The following FBXL20 variants were observed in gnomAD, a reference collection of about 807,000 sequenced individuals.
The protein encoded by FBXL20 is F-box and leucine rich repeat protein 20.
Under a neutral mutation model 64.0 loss-of-function variants are expected in FBXL20, and 11 were observed. The ratio of observed to expected loss-of-function variants is 0.17; its 90% CI spans 0.11 to 0.28. FBXL20 has a LOEUF of 0.28. Among genes scored for constraint, FBXL20 ranks in the 10% least tolerant of loss-of-function variants. FBXL20 has a pLI of 1.00. For synonymous variants in FBXL20, 184 were observed against 189.0 expected, an observed-to-expected ratio of 0.97 and a Z score of 0.22; for missense variants, 303 against 526.2, an observed-to-expected ratio of 0.58 and a Z score of 4.15.
intron 1 of FBXL20, among the ~76,000 whole-genome samples, chr17:39,343,733 CTGCCCAGTCTGG>C (rs2047605128): frequency 6.7e-6 from 1 of 149,210 alleles, no homozygotes; most frequent in Non-Finnish European, 1.5e-5. Context: ...TCTTGCTCTG[CTGCCCAGTCTGG>C]AGTACAGTGG....
chr17:39,282,407 T>G, intron 8 of FBXL20, among the ~76,000 whole-genome samples: 1 of 152,188 alleles, frequency 6.6e-6, no homozygotes, highest in East Asian at 1.9e-4. Flanking sequence ...GTTCAAAGTA[T>G]CAGGCAGTGA....
At chr17:39,345,634 G>A (rs866678344) in intron 1 of FBXL20, among the ~76,000 whole-genome samples, 7 of 152,074 alleles carry the variant, frequency 4.6e-5, no homozygotes, top group Middle Eastern at 6.8e-3. Context: ...TCCACCTCCC[G>A]GGTTCAAGCG....
chr17:39,266,272 T>G (rs12947913), intron 12 of FBXL20, among the ~76,000 whole-genome samples: 4,672 of 148,934 alleles, frequency 0.031, 260 homozygotes, highest in African/African-American at 0.11. Flanking sequence ...CAGGCTGGAG[T>G]GTGGTGGCAC....
chr17:39,357,400 C>G (rs1338243675), intron 1 of FBXL20, among the ~76,000 whole-genome samples: 1 of 151,908 alleles, frequency 6.6e-6, no homozygotes, highest in Non-Finnish European at 1.5e-5. Context: ...TTAATCTATA[C>G]ATATATCTTT....
intron 10 of FBXL20, among the ~76,000 whole-genome samples, chr17:39,273,166 G>A (rs1219320388): frequency 6.6e-6 from 1 of 151,850 alleles, no homozygotes. Flanking sequence ...TACAGGAGTG[G>A]GCCACCACGC....
At chr17:39,358,503 C>T (rs1239717423) in intron 1 of FBXL20, among the ~76,000 whole-genome samples, 1 of 151,768 alleles carries the variant, frequency 6.6e-6, no homozygotes, top group Admixed American at 6.6e-5. Context: ...GCCAACATGG[C>T]GAAACCCTGT....
chr17:39,315,538 T>A (rs1164580690), intron 2 of FBXL20, among the ~76,000 whole-genome samples: 1 of 150,820 alleles, frequency 6.6e-6, no homozygotes, highest in Non-Finnish European at 1.5e-5. Flanking sequence ...AGGTTAGAGG[T>A]TGGGTGCAGA....
chr17:39,371,903 T>C (rs969482062), intron 1 of FBXL20, among the ~76,000 whole-genome samples: 30 of 152,148 alleles, frequency 2.0e-4, no homozygotes, highest in Admixed American at 1.9e-3. Flanking sequence ...TGAGAGGGAA[T>C]CTATCTTCCC....
At chr17:39,304,857 A>G (rs969234994) in intron 2 of FBXL20, among the ~76,000 whole-genome samples, 4 of 152,048 alleles carry the variant, frequency 2.6e-5, no homozygotes, top group African/African-American at 9.7e-5. Context: ...TCTCGGTTCA[A>G]GTGGTTGTCG....
rs1398422815 is a variant in FBXL20 at position 39,261,422 on chromosome 17, T to C, written c.*38A>G. On this transcript the variant is annotated 3_prime_UTR_variant, in exon 15 of 15. Transcript: ENST00000264658. ...CTCCACGGTAGCTCTAGAAGTGTCATTAAATACTCAGTTCGCCAAGGTTGA... is the reference window on the plus strand; with the variant it reads ...CTCCACGGTAGCTCTAGAAGTGTCACTAAATACTCAGTTCGCCAAGGTTGA... The C allele has an allele frequency of 5.3e-6, 8 of 1,513,680 alleles. No individual in the cohort carries two copies. Among genetic ancestry groups the C allele is most frequent in the East Asian group, 4.5e-5 (2 of 44,280 alleles). 93.8% of individuals were successfully genotyped at this position (1,513,680 alleles called of 1,614,324 possible). A position where few individuals can be genotyped will look rare whatever the true frequency, so the allele number is the denominator to read the frequency against.
chr17:39,339,033 T>G (rs1335255824), intron 2 of FBXL20, among the ~76,000 whole-genome samples: 1 of 151,670 alleles, frequency 6.6e-6, no homozygotes, highest in African/African-American at 2.4e-5. Context: ...CCAAGTGTGG[T>G]GGTGCACACC....
chr17:39,316,353 G>T (rs2144499732), intron 2 of FBXL20, among the ~76,000 whole-genome samples: 1 of 151,992 alleles, frequency 6.6e-6, no homozygotes, highest in Middle Eastern at 3.4e-3. Flanking sequence ...TACTAAGAGG[G>T]CCTGGAGCAA....
intron 6 of FBXL20, among the ~76,000 whole-genome samples, chr17:39,291,987 G>C (rs2047043732): frequency 7.1e-6 from 1 of 140,886 alleles, no homozygotes; most frequent in African/African-American, 2.9e-5. Context: ...TACCCAATAT[G>C]ATTTTAATCC....
chr17:39,282,909 A>C, intron 7 of FBXL20, 54 bp from the exon 8 acceptor site: 4 of 1,596,438 alleles, frequency 2.5e-6, no homozygotes, highest in Non-Finnish European at 3.4e-6. Context: ...TTCCAAAAAC[A>C]CCAACGTCTC....
intron 3 of FBXL20, among the ~76,000 whole-genome samples, chr17:39,302,035 G>A (rs1033779277): frequency 1.3e-5 from 2 of 148,864 alleles, no homozygotes; most frequent in African/African-American, 2.5e-5. Context: ...CCCAAAATGA[G>A]ACAAAAGTTC....
At position 39,261,065 on chromosome 17, in the gene FBXL20, C is replaced by T. The variant is rs1007406192; in HGVS notation, c.*395G>A. On this transcript the variant is annotated 3_prime_UTR_variant, in exon 15 of 15. Coordinates refer to ENST00000264658, the MANE Select transcript of FBXL20 (RefSeq NM_032875.3). ...TGTCTTTCCATGCTTTTCTTGACCCCGGAGGACAGCAGATGCTGTTCTAAA... is the reference window on the plus strand; with the variant it reads ...TGTCTTTCCATGCTTTTCTTGACCCTGGAGGACAGCAGATGCTGTTCTAAA... The T allele has an allele frequency of 3.2e-5, 6 of 188,192 alleles. No individual in the cohort carries two copies. The highest frequency in any genetic ancestry group is 5.4e-5 in the Admixed American group (1 of 18,418). 11.7% of individuals were successfully genotyped at this position (188,192 alleles called of 1,614,324 possible). A position where few individuals can be genotyped will look rare whatever the true frequency, so the allele number is the denominator to read the frequency against.
intron 4 of FBXL20, 73 bp downstream of exon 4, chr17:39,300,928 A>G: frequency 7.3e-7 from 1 of 1,374,702 alleles, no homozygotes; most frequent in South Asian, 1.3e-5. Context: ...TGAGATTAAT[A>G]TGGCTAGGGC....
At chr17:39,330,962 C>G (rs191784319) in intron 2 of FBXL20, among the ~76,000 whole-genome samples, 2 of 152,328 alleles carry the variant, frequency 1.3e-5, no homozygotes, top group Admixed American at 1.3e-4. Context: ...AATTACAATA[C>G]TAGGTACTAT....
At chr17:39,335,210 T>C (rs556963092) in intron 2 of FBXL20, among the ~76,000 whole-genome samples, 1 of 152,202 alleles carries the variant, frequency 6.6e-6, no homozygotes, top group Non-Finnish European at 1.5e-5. Flanking sequence ...TGAATAACTG[T>C]CTTTGTTTCT....
Sources: gnomAD v4.1 joint callset for allele counts (sites outside exome capture counted in the v4.1 genomes callset) on GRCh38, gnomAD v4.1.1 for gene constraint, MANE v1.5 for transcripts, NCBI Gene and HGNC (gene_info 2026-07-23, HGNC 2026-07-21) for gene names.